The following SLC15A1 variants were observed in gnomAD, a reference collection of about 807,000 sequenced individuals.
The protein encoded by SLC15A1 is Caco-2 oligopeptide transporter.
A neutral mutation model predicts 92.9 loss-of-function variants in SLC15A1; 83 were observed. The ratio of observed to expected loss-of-function variants is 0.89; its 90% CI spans 0.75 to 1.07. The LOEUF (loss-of-function observed/expected upper bound fraction) is 1.07, where lower values mean the gene tolerates loss of function less well. Ranked by LOEUF, SLC15A1 falls within the 50% of genes least tolerant of loss-of-function variation. SLC15A1 has a pLI of 0.00. For synonymous variants in SLC15A1, 322 were observed against 318.2 expected, an observed-to-expected ratio of 1.01 and a Z score of -0.13; for missense variants, 857 against 880.1, an observed-to-expected ratio of 0.97 and a Z score of 0.33.
At chr13:98,697,934 G>A (rs2088036444) in intron 18 of SLC15A1, among the ~76,000 whole-genome samples, 1 of 152,222 alleles carries the variant, frequency 6.6e-6, no homozygotes. Flanking sequence ...ATGTGCTGAA[G>A]AGTTGGTTTT....
intron 5 of SLC15A1, among the ~76,000 whole-genome samples, chr13:98,723,118 T>G (rs6491444): frequency 0.75 from 113,726 of 151,908 alleles, 43,105 homozygotes; most frequent in African/African-American, 0.87. Flanking sequence ...AAACTGAGGC[T>G]CAGAGAAGAA....
At chr13:98,701,118 T>C (rs1238098610) in intron 18 of SLC15A1, among the ~76,000 whole-genome samples, 3 of 151,696 alleles carry the variant, frequency 2.0e-5, no homozygotes, top group Non-Finnish European at 4.4e-5. Context: ...CAGGTCAGCT[T>C]GGGGAAAAAT....
In SLC15A1 at chr13:98,707,749, G is replaced by A. The variant is rs1179556512; in HGVS notation, c.1149+937C>T. On this transcript the variant is annotated intron_variant, in intron 15 of 22. Coordinates refer to ENST00000376503, the MANE Select transcript of SLC15A1 (RefSeq NM_005073.4). ...TTTACAAAAAAATTTTAATAAATTA[G>A]TCGAGTGTGGTGGTGCATGCCTACA... Among the ~76,000 whole-genome samples the A allele has an allele frequency of 2.0e-5, 3 of 151,892 alleles. No homozygotes were observed. In the South Asian group the frequency reaches 6.2e-4, roughly 32 times the overall value.
intron 7 of SLC15A1, chr13:98,721,264 A>G (rs1420364908): frequency 3.0e-6 from 2 of 663,628 alleles, no homozygotes; most frequent in Admixed American, 4.1e-5. Context: ...GCCCATGCTA[A>G]GGATGGCTTA....
chr13:98,721,572 T>C lies in SLC15A1; in HGVS notation c.479A>G (p.Asn160Ser). 1.2e-6 allele frequency: 2 copies of C among 1,603,944 alleles called. No homozygotes were observed. The highest frequency in any genetic ancestry group is 1.7e-6 in the Non-Finnish European group (2 of 1,174,156). ...QFEEGQEKQRNRFFSIFYLAI... is the reference protein window; with the variant it reads ...QFEEGQEKQRSRFFSIFYLAI... ...CAAGTAAAAGATGGAAAAAAATCTGTTTCTTTGTTTCTCCTGCAATGAAAA... is the reference window on the plus strand; with the variant it reads ...CAAGTAAAAGATGGAAAAAAATCTGCTTCTTTGTTTCTCCTGCAATGAAAA... Residue 160 changes from asparagine (N) to serine (S), a missense_variant, in exon 7 of 23, where the codon AAC (asparagine) becomes AGC (serine). Physicochemically the swap from Asn to Ser is conservative, Grantham distance 46. Coordinates refer to ENST00000376503, the MANE Select transcript of SLC15A1 (RefSeq NM_005073.4).
At chr13:98,698,815 C>T (rs2088043990) in intron 18 of SLC15A1, among the ~76,000 whole-genome samples, 1 of 152,052 alleles carries the variant, frequency 6.6e-6, no homozygotes, top group African/African-American at 2.4e-5. Context: ...TAATAGTATA[C>T]AAAATATACT....
At chr13:98,725,612 A>G (rs972603617) in intron 4 of SLC15A1, among the ~76,000 whole-genome samples, 1 of 152,252 alleles carries the variant, frequency 6.6e-6, no homozygotes, top group African/African-American at 2.4e-5. Context: ...AGGGAAAAAC[A>G]AAAACCTATA....
At chr13:98,687,483 T>A (rs1168374937) in intron 21 of SLC15A1, 98 bp downstream of exon 21, 4 of 1,430,250 alleles carry the variant, frequency 2.8e-6, no homozygotes, top group Non-Finnish European at 2.9e-6. Flanking sequence ...CTAGACTTTT[T>A]AAAAAATATA....
At chr13:98,697,910 T>C (rs541666717) in intron 18 of SLC15A1, among the ~76,000 whole-genome samples, 2 of 152,328 alleles carry the variant, frequency 1.3e-5, no homozygotes, top group South Asian at 4.1e-4. Context: ...CCAGTGCTCC[T>C]GTTAGCTCAA....
In SLC15A1 at chr13:98,684,814, T is replaced by C; in HGVS notation, c.2037A>G (p.Glu679=). 6.2e-7 allele frequency: 1 copy of C among 1,614,156 alleles called. No individual in the cohort carries two copies. Among genetic ancestry groups the C allele is most frequent in the Non-Finnish European group, 8.5e-7 (1 of 1,180,024 alleles). The change falls in exon 23 of 23, where the codon GAA becomes GAG. Residue 679 remains glutamate, a synonymous_variant. Transcript: ENST00000376503. ...TCTTTTCATCCTCATCAAATTGAGCTTCGATCTCCGCTGGGTTGATGTAAG... is the reference window on the plus strand; with the variant it reads ...TCTTTTCATCCTCATCAAATTGAGCCTCGATCTCCGCTGGGTTGATGTAAG... The part of the protein sequence containing the change: ...FYTYINPAEI[E]AQFDEDEKKN...
intron 18 of SLC15A1, among the ~76,000 whole-genome samples, chr13:98,695,219 T>C (rs1305507928): frequency 1.3e-5 from 2 of 152,186 alleles, no homozygotes; most frequent in Non-Finnish European, 2.9e-5. Flanking sequence ...ATTTAAAAAG[T>C]GCATGAGAAA....
chr13:98,732,925 T>C (rs554097851), intron 1 of SLC15A1, among the ~76,000 whole-genome samples: 1 of 152,318 alleles, frequency 6.6e-6, no homozygotes, highest in East Asian at 1.9e-4. Context: ...TTCCCTCCCA[T>C]GGCAAAAGGG....
chr13:98,752,461 G>T lies in SLC15A1; in HGVS notation c.4+134C>A, dbSNP rs1048704282. On this transcript the variant is annotated intron_variant, in intron 1 of 22. Transcript: ENST00000376503. ...ATCCCGGGCGCCCCGCAACCTCCCG[G>T]CCCCCGTGGGCCTTCGGGTCGCCCC... 6 of 833,980 alleles carry T rather than the reference G, an allele frequency of 7.2e-6. No homozygotes were observed. The African/African-American group carries it at 1.1e-4, about 15-fold the overall frequency. The allele number at this position is 833,980 out of a possible 1,614,324, so 51.7% of individuals were successfully genotyped here.
At chr13:98,706,321 A>G in intron 15 of SLC15A1, 68 bp from the exon 16 acceptor site, 1 of 1,564,768 alleles carries the variant, frequency 6.4e-7, no homozygotes, top group East Asian at 2.3e-5. Context: ...CTTAACCCTG[A>G]CAAGGGGGTG....
At chr13:98,700,926 G>A (rs892745821) in intron 18 of SLC15A1, among the ~76,000 whole-genome samples, 18 of 152,130 alleles carry the variant, frequency 1.2e-4, no homozygotes, top group Non-Finnish European at 2.4e-4. Context: ...TGTCTTGATT[G>A]CTGTAACTTT....
chr13:98,726,693 T>C, intron 2 of SLC15A1, 150 bp downstream of exon 2: 1 of 828,952 alleles, frequency 1.2e-6, no homozygotes, highest in Non-Finnish European at 2.0e-6. Context: ...CAGCATTTCC[T>C]CAGGAGAGGA....
At chr13:98,747,319 C>T (rs1465771770) in intron 1 of SLC15A1, among the ~76,000 whole-genome samples, 1 of 152,176 alleles carries the variant, frequency 6.6e-6, no homozygotes, top group South Asian at 2.1e-4. Context: ...CACCTACCCA[C>T]TTTCTCATCC....
At chr13:98,715,101 A>G (rs1192329485) in intron 9 of SLC15A1, among the ~76,000 whole-genome samples, 1 of 152,168 alleles carries the variant, frequency 6.6e-6, no homozygotes, top group Non-Finnish European at 1.5e-5. Flanking sequence ...GTGGGCTTAC[A>G]TTTTTGCTAT....
At chr13:98,685,996 AAAAGAAG>A (rs2087925703) in intron 22 of SLC15A1, among the ~76,000 whole-genome samples, 187 bp downstream of exon 22, 1 of 150,346 alleles carries the variant, frequency 6.7e-6, no homozygotes, top group Admixed American at 6.6e-5. Context: ...AAAAAAAAAA[AAAAGAAG>A]AAGAAGAAGA....
Sources: allele counts gnomAD v4.1 joint callset (sites outside exome capture counted in the v4.1 genomes callset), GRCh38; gene constraint gnomAD v4.1.1; transcripts MANE v1.5; gene names NCBI Gene and HGNC (gene_info 2026-07-23, HGNC 2026-07-21).